The following DCDC2C variants were observed in gnomAD, a reference collection of about 807,000 sequenced individuals.
The protein encoded by DCDC2C is doublecortin domain-containing protein 2C.
A neutral mutation model predicts 45.0 loss-of-function variants in DCDC2C; 44 were observed. The ratio of observed to expected loss-of-function variants is 0.98; its 90% CI spans 0.77 to 1.26. The LOEUF (loss-of-function observed/expected upper bound fraction) is 1.26, where lower values mean the gene tolerates loss of function less well. Ranked by LOEUF, DCDC2C falls within the 50% of genes most tolerant of loss-of-function variation. The probability of loss-of-function intolerance (pLI) is 0.00; values close to 1 mark genes in which losing one functional copy is unlikely to be tolerated. For synonymous variants in DCDC2C, 187 were observed against 178.8 expected, an observed-to-expected ratio of 1.05 and a Z score of -0.37; for missense variants, 447 against 468.9, an observed-to-expected ratio of 0.95 and a Z score of 0.43.
At chr2:3,793,854 C>T (rs575516123) in intron 10 of DCDC2C, among the ~76,000 whole-genome samples, 1 of 152,192 alleles carries the variant, frequency 6.6e-6, no homozygotes, top group East Asian at 1.9e-4. Flanking sequence ...AGGTCATGGG[C>T]AAGGGGGCTT....
chr2:3,838,452 C>CAGAGAGAGAGAGAGAGAG lies in DCDC2C; in HGVS notation c.1066-8688_1066-8671dup, dbSNP rs61141962. Among the ~76,000 whole-genome samples the CAGAGAGAGAGAGAGAGAG allele has an allele frequency of 7.2e-4, 81 of 112,488 alleles. 1 individual carries two copies. The highest frequency in any genetic ancestry group is 2.1e-3 in the Admixed American group (21 of 10,112). 73.8% of individuals were successfully genotyped at this position (112,488 alleles called of 152,430 possible). Reference sequence around the variant, plus strand: ...CTGTTGTGGTCCCCAAGGATCATGACAGAGAGAGAGAGAGAGAGAGAGAGA... The same window carrying CAGAGAGAGAGAGAGAGAG: ...CTGTTGTGGTCCCCAAGGATCATGACAGAGAGAGAGAGAGAGAGAGAGAGAGAGAGAGAGAGAGAGAGA... On this transcript the variant is annotated intron_variant, in intron 10 of 10. Coordinates refer to ENST00000399143, the MANE Select transcript of DCDC2C (RefSeq NM_001287444.2).
At chr2:3,831,441 A>T (rs1382433259) in intron 10 of DCDC2C, among the ~76,000 whole-genome samples, 1 of 152,242 alleles carries the variant, frequency 6.6e-6, no homozygotes, top group South Asian at 2.1e-4. Flanking sequence ...GACCGTACTG[A>T]ATAACATCGG....
At position 3,704,056 on chromosome 2, in the gene DCDC2C, C is replaced by T. The variant is rs1334176929; in HGVS notation, c.287+18C>T. 7 of 1,245,664 alleles carry T rather than the reference C, an allele frequency of 5.6e-6. No homozygotes were observed. The highest frequency in any genetic ancestry group is 1.6e-5 in the African/African-American group (1 of 64,444). The allele number at this position is 1,245,664 out of a possible 1,614,324, so 77.2% of individuals were successfully genotyped here. On this transcript the variant is annotated intron_variant, in intron 1 of 10. Transcript: ENST00000399143. ...GAGCTCGAGTAAGTGCGCCCGCGCC[C>T]CCCACGCGCCCTGCGCCCCTCCCCG...
In DCDC2C at chr2:3,703,842, A is replaced by G; in HGVS notation, c.91A>G (p.Lys31Glu). 7.8e-7 allele frequency: 1 copy of G among 1,278,226 alleles called. No homozygotes were observed. The highest frequency in any genetic ancestry group is 9.9e-7 in the Non-Finnish European group (1 of 1,007,910). The allele number at this position is 1,278,226 out of a possible 1,614,324, so 79.2% of individuals were successfully genotyped here. ...YRNGDPFYVG[K>E]KFVLSRRRAA... Reference sequence around the variant, plus strand: ...CAACGGGGACCCGTTCTACGTGGGCAAGAAGTTCGTGCTGTCGCGGCGCCG... The same window carrying G: ...CAACGGGGACCCGTTCTACGTGGGCGAGAAGTTCGTGCTGTCGCGGCGCCG... The change falls in exon 1 of 11, where the codon AAG becomes GAG. Residue 31 changes from lysine to glutamate, a missense_variant. Lys to Glu is a moderately conservative substitution (Grantham distance 56, BLOSUM62 1). Coordinates refer to ENST00000399143, the MANE Select transcript of DCDC2C (RefSeq NM_001287444.2). The surrounding 1 kb of genome is among the most constrained non-coding windows in gnomAD (Gnocchi z 4.4).
chr2:3,778,953 G>A (rs963057913), intron 9 of DCDC2C, 69 bp downstream of exon 9: 41 of 1,425,444 alleles, frequency 2.9e-5, no homozygotes, highest in East Asian at 7.5e-5. Flanking sequence ...CAGAGCTCAC[G>A]TTTGGTGGTG....
intron 10 of DCDC2C, among the ~76,000 whole-genome samples, chr2:3,843,784 A>G (rs924732411): frequency 4.6e-5 from 7 of 152,192 alleles, no homozygotes; most frequent in South Asian, 4.1e-4. Context: ...CAATTTTTAA[A>G]TGACTAATGG....
At chr2:3,719,214 T>C (rs1374360640) in intron 2 of DCDC2C, among the ~76,000 whole-genome samples, 3 of 152,044 alleles carry the variant, frequency 2.0e-5, no homozygotes, top group Admixed American at 6.6e-5. Flanking sequence ...GCCTCCCGAG[T>C]AGCTGGGACT....
intron 6 of DCDC2C, among the ~76,000 whole-genome samples, chr2:3,759,142 CG>C (rs1426984379): frequency 1.3e-5 from 2 of 152,120 alleles, no homozygotes; most frequent in Non-Finnish European, 2.9e-5. Flanking sequence ...GAGATGAGGG[CG>C]GGGCATCCTT....
At chr2:3,753,381 A>C (rs1669600003) in intron 5 of DCDC2C, among the ~76,000 whole-genome samples, 2 of 152,212 alleles carry the variant, frequency 1.3e-5, no homozygotes, top group Admixed American at 1.3e-4. Flanking sequence ...GTGTGTGTTT[A>C]TGGACATGAA....
At chr2:3,756,847 T>A (rs1669734073) in intron 6 of DCDC2C, among the ~76,000 whole-genome samples, 1 of 152,266 alleles carries the variant, frequency 6.6e-6, no homozygotes, top group Non-Finnish European at 1.5e-5. Flanking sequence ...GCTTTTCTTC[T>A]GAATTGACTC....
At chr2:3,731,244 C>A (rs1405329719) in intron 3 of DCDC2C, among the ~76,000 whole-genome samples, 1 of 152,162 alleles carries the variant, frequency 6.6e-6, no homozygotes, top group Non-Finnish European at 1.5e-5. Context: ...TTCCAGAACC[C>A]ACTTAAGACG....
intron 9 of DCDC2C, among the ~76,000 whole-genome samples, chr2:3,779,667 G>A (rs1002817952): frequency 1.3e-5 from 2 of 152,188 alleles, no homozygotes; most frequent in Non-Finnish European, 2.9e-5. Context: ...TCATCGCACA[G>A]GAGGCTGTGT....
At chr2:3,776,182 G>A (rs2148166483) in intron 8 of DCDC2C, among the ~76,000 whole-genome samples, 1 of 152,284 alleles carries the variant, frequency 6.6e-6, no homozygotes, top group Non-Finnish European at 1.5e-5. Flanking sequence ...TTTCCTTGGT[G>A]TCTTTAGCTT....
At chr2:3,741,726 C>T (rs186733483) in intron 3 of DCDC2C, among the ~76,000 whole-genome samples, 194 bp from the exon 4 acceptor site, 35 of 150,606 alleles carry the variant, frequency 2.3e-4, no homozygotes, top group Non-Finnish European at 1.0e-4. Flanking sequence ...CACACACGCG[C>T]GCGTCTGTCA....
At position 3,704,037 on chromosome 2, in the gene DCDC2C, G is replaced by C; in HGVS notation, c.286G>C (p.Asp96His). 1 of 1,262,078 alleles carries C rather than the reference G, an allele frequency of 7.9e-7. No homozygotes were observed. Among genetic ancestry groups the C allele is most frequent in the Non-Finnish European group, 1.0e-6 (1 of 1,002,880 alleles). The allele number at this position is 1,262,078 out of a possible 1,614,324, so 78.2% of individuals were successfully genotyped here. ...GGGCCGCGAGCGCTTCAAGGAGCTC[G>C]AGTAAGTGCGCCCGCGCCCCCCACG... The part of the protein sequence containing the change: ...AAGRERFKEL[D>H]YIHIVPRKPA... The change falls in exon 1 of 11, where the codon GAT becomes CAT. Residue 96 changes from aspartate (D) to histidine (H), a missense_variant and splice_region_variant. Physicochemically the swap from Asp to His is moderately conservative, Grantham distance 81 (BLOSUM62 -1). Coordinates refer to ENST00000399143, the MANE Select transcript of DCDC2C (RefSeq NM_001287444.2).
In DCDC2C at chr2:3,847,436, C is replaced by A; in HGVS notation, c.*253C>A. ...ACGTGGTTCTTTATCATTAAGCCCC[C>A]AAAAGATCATTCAGAAAGTGAGAAG... On this transcript the variant is annotated 3_prime_UTR_variant, in exon 11 of 11. Transcript: ENST00000399143. 1 of 317,106 alleles carries A rather than the reference C, an allele frequency of 3.2e-6. No individual in the cohort carries two copies. Among genetic ancestry groups the A allele is most frequent in the Non-Finnish European group, 5.7e-6 (1 of 174,720 alleles). The allele number at this position is 317,106 out of a possible 1,614,324, so 19.6% of individuals were successfully genotyped here.
At chr2:3,791,420 A>G (rs1024017162) in intron 10 of DCDC2C, among the ~76,000 whole-genome samples, 2 of 152,228 alleles carry the variant, frequency 1.3e-5, no homozygotes, top group African/African-American at 2.4e-5. Flanking sequence ...GGTGGGCTCC[A>G]TGGAAGCAGT....
chr2:3,746,591 C>A (rs547074706), intron 4 of DCDC2C, among the ~76,000 whole-genome samples: 1 of 152,326 alleles, frequency 6.6e-6, no homozygotes, highest in South Asian at 2.1e-4. Flanking sequence ...TTTCAATTTC[C>A]CACTGTCCGT....
intron 10 of DCDC2C, 52 bp from the exon 11 acceptor site, chr2:3,847,102 A>G: frequency 3.6e-6 from 4 of 1,109,466 alleles, no homozygotes; most frequent in African/African-American, 1.6e-5. Flanking sequence ...AACTGTGGCC[A>G]GATCACAGCT....
Sources: gnomAD v4.1 joint callset for allele counts (sites outside exome capture counted in the v4.1 genomes callset) on GRCh38, gnomAD v4.1.1 for gene constraint, Gnocchi (gnomAD v3.1) non-coding constraint, MANE v1.5 for transcripts, NCBI Gene and HGNC (gene_info 2026-07-23, HGNC 2026-07-21) for gene names.